The following ARHGEF37 variants were observed in gnomAD, a reference collection of about 807,000 sequenced individuals.
ARHGEF37 encodes Rho guanine nucleotide exchange factor 37, also known as Rho guanine nucleotide exchange factor (GEF) 37.
In ARHGEF37, 55 loss-of-function variants were observed where a neutral mutation model predicts 71.1. That is an observed-to-expected ratio of 0.77 (90% CI 0.62 to 0.97). ARHGEF37 has a LOEUF of 0.97. Among genes scored for constraint, ARHGEF37 ranks in the 50% least tolerant of loss-of-function variants. The probability of loss-of-function intolerance (pLI) is 0.00; values close to 1 mark genes in which losing one functional copy is unlikely to be tolerated. For missense variants in ARHGEF37, 765 were observed against 836.8 expected, an observed-to-expected ratio of 0.91 and a Z score of 1.06; for synonymous variants, 327 against 350.6, an observed-to-expected ratio of 0.93 and a Z score of 0.75.
Position 149,609,602 on chromosome 5 carries a change from G to C in ARHGEF37, c.365G>C (p.Cys122Ser). ...TTGGAGCAAGTCTATAAGGTCTACT[G>C]TGCCAGCTACGACCAGGCCTTGCTA... ...EELEQVYKVY[C>S]ASYDQALLLV... is the part of the protein sequence containing the mutation. The change falls in exon 4 of 13, where the codon TGT becomes TCT. Residue 122 changes from cysteine (C) to serine (S), a missense_variant. By Grantham distance (112) the Cys-to-Ser change is moderately radical. This residue lies in a region of ARHGEF37 where 201 missense variants were observed against 217.5 expected (regional missense o/e 0.92). Coordinates refer to ENST00000333677, the MANE Select transcript of ARHGEF37 (RefSeq NM_001001669.3). 1 of 1,613,964 alleles carries C rather than the reference G, an allele frequency of 6.2e-7. No homozygotes were observed. Among genetic ancestry groups the C allele is most frequent in the Non-Finnish European group, 8.5e-7 (1 of 1,180,046 alleles).
At chr5:149,583,026 C>G (rs1199601319) in intron 1 of ARHGEF37, among the ~76,000 whole-genome samples, 1 of 152,206 alleles carries the variant, frequency 6.6e-6, no homozygotes, top group Non-Finnish European at 1.5e-5. Flanking sequence ...ATATTTGACT[C>G]CAAGTCAAAA....
At chr5:149,617,013 T>C (rs959186582) in intron 5 of ARHGEF37, among the ~76,000 whole-genome samples, 1 of 152,184 alleles carries the variant, frequency 6.6e-6, no homozygotes, top group Non-Finnish European at 1.5e-5. Context: ...AATAGTAAGT[T>C]GTGGCTGTTC....
chr5:149,592,090 C>T (rs952005140), intron 1 of ARHGEF37, among the ~76,000 whole-genome samples: 1 of 152,174 alleles, frequency 6.6e-6, no homozygotes, highest in African/African-American at 2.4e-5. Context: ...CATGTTTCCC[C>T]AATGGTTACA....
chr5:149,623,365 C>T (rs1339997457), intron 9 of ARHGEF37, among the ~76,000 whole-genome samples: 2 of 152,188 alleles, frequency 1.3e-5, no homozygotes, highest in Non-Finnish European at 2.9e-5. Flanking sequence ...CTTTTTGGCC[C>T]TCACAGAGTT....
chr5:149,629,283 AATG>A (rs1371004400), intron 12 of ARHGEF37, among the ~76,000 whole-genome samples: 4 of 152,228 alleles, frequency 2.6e-5, no homozygotes, highest in African/African-American at 9.6e-5. Flanking sequence ...TGAGAGATAC[AATG>A]ATGAGCAAAA....
intron 1 of ARHGEF37, among the ~76,000 whole-genome samples, chr5:149,591,886 T>C (rs908145808): frequency 1.3e-5 from 2 of 152,246 alleles, no homozygotes; most frequent in African/African-American, 4.8e-5. Context: ...TGATGTTCAC[T>C]AGGTGTCAGG....
chr5:149,621,932 T>C lies in ARHGEF37; in HGVS notation c.1205T>C (p.Leu402Pro). 1.2e-6 allele frequency: 2 copies of C among 1,614,268 alleles called. No individual in the cohort carries two copies. Among genetic ancestry groups the C allele is most frequent in the Non-Finnish European group, 1.7e-6 (2 of 1,180,038 alleles). Residue 402 changes from leucine (L) to proline (P), a missense_variant, in exon 9 of 13, where the codon CTA becomes CCA. Coordinates refer to ENST00000333677, the MANE Select transcript of ARHGEF37 (RefSeq NM_001001669.3). ...RHTYQALNSLLVAELPQFNQL... is the reference protein window; with the variant it reads ...RHTYQALNSLPVAELPQFNQL... Reference sequence around the variant, plus strand: ...ACATACCAGGCACTCAACTCGCTGCTAGTGGCTGAGCTCCCACAGTTTAAC... The same window carrying C: ...ACATACCAGGCACTCAACTCGCTGCCAGTGGCTGAGCTCCCACAGTTTAAC...
chr5:149,627,442 C>T (rs1264531506), intron 11 of ARHGEF37, among the ~76,000 whole-genome samples, 171 bp downstream of exon 11: 1 of 152,200 alleles, frequency 6.6e-6, no homozygotes, highest in Non-Finnish European at 1.5e-5. Flanking sequence ...TAGAGTGACT[C>T]CGTGGGACAT....
chr5:149,553,645 G>A (rs907654355), intron 1 of ARHGEF37, among the ~76,000 whole-genome samples: 5 of 152,174 alleles, frequency 3.3e-5, no homozygotes, highest in African/African-American at 1.2e-4. Flanking sequence ...GCATGAAGTG[G>A]TCTAAATTAG....
chr5:149,603,361 T>C (rs1375879420), intron 3 of ARHGEF37, among the ~76,000 whole-genome samples: 4 of 152,194 alleles, frequency 2.6e-5, no homozygotes, highest in Non-Finnish European at 4.4e-5. Context: ...CATTATCTCA[T>C]TTTACAGTTG....
At chr5:149,556,130 T>G (rs1038021925) in intron 1 of ARHGEF37, among the ~76,000 whole-genome samples, 28 of 152,184 alleles carry the variant, frequency 1.8e-4, no homozygotes, top group Middle Eastern at 3.2e-3. Context: ...TAGAATTGTT[T>G]GGTGCAAGTA....
chr5:149,623,661 C>T (rs1752601404), intron 9 of ARHGEF37, among the ~76,000 whole-genome samples: 1 of 152,204 alleles, frequency 6.6e-6, no homozygotes, highest in South Asian at 2.1e-4. Context: ...AGCTGCCAGC[C>T]TGCCTTATCT....
upstream of ARHGEF37, chr5:149,551,921 C>CG (rs1197356694): frequency 2.6e-5 from 4 of 152,204 alleles, no homozygotes; most frequent in Admixed American, 6.5e-5. Flanking sequence ...AAGCAGCCAG[C>CG]GTCGAGGAAT....
At chr5:149,564,742 T>C (rs988714334) in intron 1 of ARHGEF37, among the ~76,000 whole-genome samples, 4 of 152,142 alleles carry the variant, frequency 2.6e-5, no homozygotes, top group Non-Finnish European at 5.9e-5. Context: ...GAGAATCGCC[T>C]GAACCCAGGA....
intron 10 of ARHGEF37, chr5:149,626,808 A>G (rs1752697424): frequency 3.2e-6 from 1 of 315,118 alleles, no homozygotes; most frequent in Admixed American, 4.6e-5. Context: ...GCCCAATCCT[A>G]GGAGTTCAGT....
At chr5:149,556,121 A>G (rs1050528839) in intron 1 of ARHGEF37, among the ~76,000 whole-genome samples, 12 of 152,216 alleles carry the variant, frequency 7.9e-5, no homozygotes, top group Non-Finnish European at 1.6e-4. Context: ...GCCAATCTCT[A>G]GAATTGTTTG....
chr5:149,595,575 G>A (rs1763522032), intron 1 of ARHGEF37, among the ~76,000 whole-genome samples: 1 of 152,076 alleles, frequency 6.6e-6, no homozygotes, highest in South Asian at 2.1e-4. Context: ...TATCTGACTG[G>A]TTGGTTATCT....
chr5:149,551,674 ACC>A (rs368324523), upstream of ARHGEF37: 1,465 of 152,230 alleles, frequency 9.6e-3, 18 homozygotes, highest in African/African-American at 0.033. Flanking sequence ...CTCGCCTCGG[ACC>A]CGCCGGGTCT....
At chr5:149,589,311 C>A (rs1266262028) in intron 1 of ARHGEF37, among the ~76,000 whole-genome samples, 1 of 149,786 alleles carries the variant, frequency 6.7e-6, no homozygotes, top group Non-Finnish European at 1.5e-5. Context: ...TTTTAATTGA[C>A]ACATAATGTT....
Sources: allele counts gnomAD v4.1 joint callset (sites outside exome capture counted in the v4.1 genomes callset), GRCh38; gene constraint gnomAD v4.1.1; regional missense constraint gnomAD v4.1.1; transcripts MANE v1.5; gene names NCBI Gene and HGNC (gene_info 2026-07-23, HGNC 2026-07-21).